The following RANBP17 variants were observed in gnomAD, a reference collection of about 807,000 sequenced individuals.
RANBP17 encodes ran-binding protein 17.
Under a neutral mutation model 141.2 loss-of-function variants are expected in RANBP17, and 158 were observed. The observed-to-expected ratio is 1.12, with a 90% CI of 0.98 to 1.28. RANBP17 has a LOEUF of 1.28. Among genes scored for constraint, RANBP17 ranks in the 50% most tolerant of loss-of-function variants. The pLI, the probability that RANBP17 is intolerant of heterozygous loss-of-function variation, is 0.00. For missense variants in RANBP17, 1,438 were observed against 1,290.7 expected, an observed-to-expected ratio of 1.11 and a Z score of -1.75; for synonymous variants, 430 against 450.0, an observed-to-expected ratio of 0.96 and a Z score of 0.56.
chr5:171,069,814 T>G (rs1784528604), intron 14 of RANBP17, among the ~76,000 whole-genome samples: 1 of 152,102 alleles, frequency 6.6e-6, no homozygotes, highest in Non-Finnish European at 1.5e-5. Flanking sequence ...AAAGAGCATC[T>G]GTAAAGACAA....
chr5:171,083,958 G>GCC (rs1785432660), intron 14 of RANBP17, among the ~76,000 whole-genome samples: 1 of 70,900 alleles, frequency 1.4e-5, no homozygotes, highest in Non-Finnish European at 3.1e-5. Flanking sequence ...TTGTGGTTAT[G>GCC]TCTTTTTTTT....
chr5:170,949,916 G>T (rs1561921633), intron 12 of RANBP17, among the ~76,000 whole-genome samples: 1 of 152,042 alleles, frequency 6.6e-6, no homozygotes, highest in Non-Finnish European at 1.5e-5. Flanking sequence ...TAGACCAATG[G>T]AACAGAATAG....
At chr5:171,202,523 GT>G (rs573461908) in intron 19 of RANBP17, among the ~76,000 whole-genome samples, 8 of 152,280 alleles carry the variant, frequency 5.3e-5, no homozygotes, top group Admixed American at 5.2e-4. Context: ...CACATTAAAA[GT>G]TTTCGCACTA....
intron 14 of RANBP17, among the ~76,000 whole-genome samples, chr5:171,093,224 A>AG (rs1358277984): frequency 1.3e-5 from 2 of 151,774 alleles, no homozygotes; most frequent in Non-Finnish European, 2.9e-5. Context: ...CCAAAAAAAA[A>AG]AAATAGACAT....
chr5:170,878,335 A>G (rs1768367765), intron 2 of RANBP17, 92 bp downstream of exon 2: 3 of 1,047,988 alleles, frequency 2.9e-6, no homozygotes, highest in Non-Finnish European at 3.9e-6. Flanking sequence ...TAACTGATAG[A>G]TATTGCCACA....
chr5:171,256,059 G>GT (rs778242501), intron 24 of RANBP17, among the ~76,000 whole-genome samples: 1 of 152,096 alleles, frequency 6.6e-6, no homozygotes, highest in Non-Finnish European at 1.5e-5. Context: ...TCGGTATAGG[G>GT]TTTTTTCTTT....
In RANBP17 at chr5:170,968,250, A is replaced by G; in HGVS notation, c.1583A>G (p.Gln528Arg). 1 of 1,561,458 alleles carries G rather than the reference A, an allele frequency of 6.4e-7. No homozygotes were observed. The highest frequency in any genetic ancestry group is 1.2e-5 in the South Asian group (1 of 81,480). Residue 528 changes from glutamine (Q) to arginine (R), a missense_variant, in exon 14 of 28, where the codon CAG becomes CGG. Coordinates refer to ENST00000523189, the MANE Select transcript of RANBP17 (RefSeq NM_022897.5). ...MDGELSCRVF[Q>R]LISLMDTGLP... ...ATTTTCCCTTCATGAAGAGTTTTTC[A>G]GCTTATATCTTTAATGGATACCGGA...
chr5:171,094,413 G>A (rs1319832439), intron 14 of RANBP17, among the ~76,000 whole-genome samples: 1 of 152,124 alleles, frequency 6.6e-6, no homozygotes, highest in Non-Finnish European at 1.5e-5. Flanking sequence ...AATGCCCAGT[G>A]CCTGGCATTT....
In RANBP17 at chr5:170,862,358, G is replaced by A. The variant is rs367577978; in HGVS notation, c.18+307G>A. ...AGGTGCGGACGCCGGCAGCACGCTC[G>A]CTGACCGCGGCTTTAGTGTTGCCAG... On this transcript the variant is annotated intron_variant, in intron 1 of 27. Coordinates refer to ENST00000523189, the MANE Select transcript of RANBP17 (RefSeq NM_022897.5). Among the ~76,000 whole-genome samples, 354 of 152,300 alleles carry A rather than the reference G, an allele frequency of 2.3e-3. 1 individual carries two copies. Among genetic ancestry groups the A allele is most frequent in the African/African-American group, 7.7e-3 (320 of 41,576 alleles).
intron 14 of RANBP17, among the ~76,000 whole-genome samples, chr5:171,068,093 T>C (rs1784414645): frequency 6.6e-6 from 1 of 152,182 alleles, no homozygotes; most frequent in Non-Finnish European, 1.5e-5. Flanking sequence ...TTTCTGATAC[T>C]CAGACTGAGT....
At chr5:171,196,619 C>T (rs1761995347) in intron 18 of RANBP17, among the ~76,000 whole-genome samples, 1 of 152,048 alleles carries the variant, frequency 6.6e-6, no homozygotes, top group South Asian at 2.1e-4. Context: ...TTATTAAGTA[C>T]CAGACACTGA....
Position 170,959,407 on chromosome 5 carries a change from A to T in RANBP17, c.1574+5705A>T, listed in dbSNP as rs145814840. 3.0e-4 allele frequency among the ~76,000 whole-genome samples: 46 copies of T among 151,920 alleles called. 2 individuals carry two copies. The highest frequency in any genetic ancestry group is 1.1e-3 in the African/African-American group (45 of 41,398). On this transcript the variant is annotated intron_variant, in intron 13 of 27. Coordinates refer to ENST00000523189, the MANE Select transcript of RANBP17 (RefSeq NM_022897.5). ...TGTGCTACTTCTGACCTCATTTCCTACCCTTTCCCATTTAACACTGGCCTC... is the reference window on the plus strand; with the variant it reads ...TGTGCTACTTCTGACCTCATTTCCTTCCCTTTCCCATTTAACACTGGCCTC...
chr5:171,206,142 G>GAA (rs76562650), intron 20 of RANBP17: 23 of 143,200 alleles, frequency 1.6e-4, no homozygotes, highest in East Asian at 4.0e-4. Flanking sequence ...GTACAGACAG[G>GAA]AAAAAAAAAA....
intron 14 of RANBP17, among the ~76,000 whole-genome samples, chr5:171,079,160 A>T (rs1332006294): frequency 2.6e-5 from 4 of 152,184 alleles, no homozygotes; most frequent in Non-Finnish European, 5.9e-5. Flanking sequence ...GGGGTTCAAG[A>T]CTTCAGGATC....
intron 20 of RANBP17, chr5:171,205,827 G>C: frequency 3.1e-6 from 2 of 647,770 alleles, no homozygotes; most frequent in Non-Finnish European, 5.7e-6. Flanking sequence ...TTTTGGTGCC[G>C]TTAAATATTG....
At chr5:171,114,960 A>T (rs961323703) in intron 14 of RANBP17, among the ~76,000 whole-genome samples, 2 of 151,980 alleles carry the variant, frequency 1.3e-5, no homozygotes, top group Admixed American at 6.6e-5. Flanking sequence ...CAAAAAATTT[A>T]AAAAATGGTT....
intron 14 of RANBP17, among the ~76,000 whole-genome samples, chr5:171,104,243 G>A (rs2127748417): frequency 6.6e-6 from 1 of 152,158 alleles, no homozygotes; most frequent in South Asian, 2.1e-4. Context: ...CTCCATGTTG[G>A]TCAGGCTGGT....
At chr5:171,043,587 A>G (rs1039414832) in intron 14 of RANBP17, among the ~76,000 whole-genome samples, 2 of 152,164 alleles carry the variant, frequency 1.3e-5, no homozygotes, top group Admixed American at 1.3e-4. Flanking sequence ...AAACAGGAAT[A>G]TATTTATTGC....
At chr5:171,241,167 T>A in intron 23 of RANBP17, 25 bp downstream of exon 23, 6 of 1,557,364 alleles carry the variant, frequency 3.9e-6, no homozygotes, top group Non-Finnish European at 5.3e-6. Context: ...ATCATGGGAG[T>A]GTTTGTATGA....
Sources: allele counts gnomAD v4.1 joint callset (sites outside exome capture counted in the v4.1 genomes callset), GRCh38; gene constraint gnomAD v4.1.1; transcripts MANE v1.5; gene names NCBI Gene and HGNC (gene_info 2026-07-23, HGNC 2026-07-21).